Variants in ADK observed in about 807,000 individuals in gnomAD.
ADK encodes N6,N6-dimethyladenosine kinase.
Under a neutral mutation model 44.7 loss-of-function variants are expected in ADK, and 24 were observed. That is an observed-to-expected ratio of 0.54 (90% confidence interval 0.39 to 0.76). The LOEUF is 0.76. Ranked by LOEUF, ADK falls within the 30% of genes least tolerant of loss-of-function variation. The pLI is 0.00. For missense variants in ADK, 321 were observed against 425.1 expected, an observed-to-expected ratio of 0.76 and a Z score of 2.15; for synonymous variants, 128 against 142.6, an observed-to-expected ratio of 0.90 and a Z score of 0.73.
intron 9 of ADK, chr10:74,655,570 A>G (rs1306618634): frequency 2.1e-6 from 1 of 484,182 alleles, no homozygotes; most frequent in Non-Finnish European, 4.1e-6. Flanking sequence ...GCCCCAAGAA[A>G]GAGGTGGGGG....
chr10:74,427,903 T>G (rs1844858504), intron 6 of ADK, among the ~76,000 whole-genome samples: 2 of 152,172 alleles, frequency 1.3e-5, no homozygotes, highest in Admixed American at 6.5e-5. Flanking sequence ...CAGAAATTTA[T>G]TCTTTCATAG....
At chr10:74,293,097 T>C (rs777894044) in intron 3 of ADK, among the ~76,000 whole-genome samples, 100 of 146,676 alleles carry the variant, frequency 6.8e-4, no homozygotes, top group Non-Finnish European at 1.2e-3. Context: ...ACCTGGAAGG[T>C]TGAGGCTGCA....
At chr10:74,397,863 A>G (rs1843572425) in intron 5 of ADK, among the ~76,000 whole-genome samples, 1 of 152,178 alleles carries the variant, frequency 6.6e-6, no homozygotes, top group South Asian at 2.1e-4. Flanking sequence ...TAAATGCAGT[A>G]TCCTGCTTAG....
chr10:74,238,856 CT>C (rs752385282), intron 3 of ADK, among the ~76,000 whole-genome samples: 1,585 of 88,130 alleles, frequency 0.018, 44 homozygotes, highest in African/African-American at 0.071. Flanking sequence ...TTAGCTAGTG[CT>C]TTTTTTTTTT....
At chr10:74,473,274 A>G in intron 6 of ADK, among the ~76,000 whole-genome samples, 1 of 152,176 alleles carries the variant, frequency 6.6e-6, no homozygotes, top group East Asian at 1.9e-4. Flanking sequence ...AAATAATTTT[A>G]GATTTATAGA....
chr10:74,422,101 T>C (rs1178529182), intron 6 of ADK, among the ~76,000 whole-genome samples: 1 of 152,146 alleles, frequency 6.6e-6, no homozygotes, highest in Non-Finnish European at 1.5e-5. Context: ...ACTATTTCCA[T>C]TGGAGAAAGC....
chr10:74,309,726 G>C (rs1342327507), intron 3 of ADK, among the ~76,000 whole-genome samples: 2 of 151,900 alleles, frequency 1.3e-5, no homozygotes, highest in Admixed American at 1.3e-4. Flanking sequence ...GTCCAACAGA[G>C]GTCCTAGACC....
At chr10:74,555,529 G>A (rs1227651364) in intron 7 of ADK, among the ~76,000 whole-genome samples, 1 of 150,930 alleles carries the variant, frequency 6.6e-6, no homozygotes, top group Non-Finnish European at 1.5e-5. Context: ...AAGGATCCCT[G>A]GAACCCAGGA....
intron 4 of ADK, among the ~76,000 whole-genome samples, chr10:74,324,551 G>C (rs1308994227): frequency 6.6e-6 from 1 of 152,060 alleles, no homozygotes; most frequent in African/African-American, 2.4e-5. Context: ...TATTCTCCAG[G>C]TTCCTCCATG....
Position 74,303,588 on chromosome 10 carries a change from G to GTTTTTTTTTTTTTTTTTTTTTTTTT in ADK, c.195-11077_195-11053dup, listed in dbSNP as rs1185036462. ...CACTTTTCATATTGGTTTTAATGTT[G>GTTTTTTTTTTTTTTTTTTTTTTTTT]TTTTTTTTTTTTTTTTTTTTTTTTT... On this transcript the variant is annotated intron_variant, in intron 3 of 10. Transcript: ENST00000539909. Among the ~76,000 whole-genome samples, 65 of 68,572 alleles carry GTTTTTTTTTTTTTTTTTTTTTTTTT rather than the reference G, an allele frequency of 9.5e-4. 13 individuals carry two copies. Among genetic ancestry groups the GTTTTTTTTTTTTTTTTTTTTTTTTT allele is most frequent in the East Asian group, 5.1e-3 (11 of 2,178 alleles). 45.0% of individuals were successfully genotyped at this position (68,572 alleles called of 152,430 possible). A position where few individuals can be genotyped will look rare whatever the true frequency, so the allele number is the denominator to read the frequency against.
At chr10:74,669,699 G>A (rs1406184187) in intron 9 of ADK, among the ~76,000 whole-genome samples, 4 of 152,078 alleles carry the variant, frequency 2.6e-5, no homozygotes, top group African/African-American at 9.7e-5. Flanking sequence ...TGTTTTTATT[G>A]TGCCATTGTG....
In ADK at chr10:74,459,867, G is replaced by C. The variant is rs543697386; in HGVS notation, c.555+61288G>C. On this transcript the variant is annotated intron_variant, in intron 6 of 10. Coordinates refer to ENST00000539909, the MANE Select transcript of ADK (RefSeq NM_006721.4). ...TTAATTGCCATGCCAACTTTTATTG[G>C]TTCTTTCCTGTCTCCCAATGAGTTA... is the stretch of plus-strand genomic sequence containing the variant. Among the ~76,000 whole-genome samples, 8 of 151,428 alleles carry C rather than the reference G, an allele frequency of 5.3e-5. 2 individuals are homozygous for C. Among genetic ancestry groups the C allele is most frequent in the African/African-American group, 1.9e-4 (8 of 41,284 alleles).
At chr10:74,453,554 A>G (rs1281505001) in intron 6 of ADK, among the ~76,000 whole-genome samples, 2 of 152,112 alleles carry the variant, frequency 1.3e-5, no homozygotes, top group Admixed American at 6.5e-5. Context: ...AAGCTTTTAT[A>G]TGGCATTTCA....
At position 74,316,881 on chromosome 10, in the gene ADK, A is replaced by T. The variant is rs533517266; in HGVS notation, c.273+2136A>T. Among the ~76,000 whole-genome samples the T allele has an allele frequency of 5.7e-5, 6 of 105,614 alleles. No individual in the cohort carries two copies. The East Asian group carries it at 1.3e-3, about 23-fold the overall frequency. The allele number at this position is 105,614 out of a possible 152,430, so 69.3% of individuals were successfully genotyped here. Reference sequence around the variant, plus strand: ...AATAAAACAGTCATTGCCTACTTTTATTCTTTTGCACTTTTTTTTTTACAA... The same window carrying T: ...AATAAAACAGTCATTGCCTACTTTTTTTCTTTTGCACTTTTTTTTTTACAA... On this transcript the variant is annotated intron_variant, in intron 4 of 10. Coordinates refer to ENST00000539909, the MANE Select transcript of ADK (RefSeq NM_006721.4).
chr10:74,585,825 C>T (rs1851509027), intron 7 of ADK, among the ~76,000 whole-genome samples: 1 of 152,210 alleles, frequency 6.6e-6, no homozygotes, highest in Non-Finnish European at 1.5e-5. Flanking sequence ...ACGAGGCGCC[C>T]TGGGGCAGCA....
At chr10:74,266,733 T>C (rs1162877599) in intron 3 of ADK, among the ~76,000 whole-genome samples, 1 of 151,996 alleles carries the variant, frequency 6.6e-6, no homozygotes, top group East Asian at 1.9e-4. Flanking sequence ...AAATAAACTG[T>C]GTTTTAAAAG....
intron 3 of ADK, among the ~76,000 whole-genome samples, chr10:74,291,937 A>C (rs183468453): frequency 2.6e-5 from 4 of 152,146 alleles, no homozygotes; most frequent in African/African-American, 9.7e-5. Context: ...TAAAACAGGA[A>C]ATTTTAAAGT....
At chr10:74,311,341 A>G (rs1840426688) in intron 3 of ADK, among the ~76,000 whole-genome samples, 1 of 152,234 alleles carries the variant, frequency 6.6e-6, no homozygotes, top group Non-Finnish European at 1.5e-5. Flanking sequence ...TAGTAAAACT[A>G]CATCAAGGTG....
At chr10:74,445,675 G>A (rs1845567096) in intron 6 of ADK, among the ~76,000 whole-genome samples, 1 of 151,960 alleles carries the variant, frequency 6.6e-6, no homozygotes, top group Non-Finnish European at 1.5e-5. Context: ...TTCAACCTCT[G>A]ATCTGCACTG....
Sources: gnomAD v4.1 joint callset for allele counts (sites outside exome capture counted in the v4.1 genomes callset) on GRCh38, gnomAD v4.1.1 for gene constraint, MANE v1.5 for transcripts, NCBI Gene and HGNC (gene_info 2026-07-23, HGNC 2026-07-21) for gene names.